The following DCLK3 variants were observed in gnomAD, a reference collection of about 807,000 sequenced individuals.
The protein encoded by DCLK3 is doublecortin like kinase 3, also known as serine/threonine-protein kinase DCLK3.
DCLK3 carries 30 observed loss-of-function variants against 46.4 expected under a neutral mutation model. The ratio of observed to expected loss-of-function variants is 0.65; its 90% CI spans 0.48 to 0.88. The LOEUF is 0.88. Ranked by LOEUF, DCLK3 falls within the 40% of genes least tolerant of loss-of-function variation. The probability of loss-of-function intolerance (pLI) is 0.00; values close to 1 mark genes in which losing one functional copy is unlikely to be tolerated. For synonymous variants in DCLK3, 401 were observed against 339.2 expected, an observed-to-expected ratio of 1.18 and a Z score of -2.00; for missense variants, 846 against 907.1, an observed-to-expected ratio of 0.93 and a Z score of 0.87.
chr3:36,753,309 T>A (rs1311525096), intron 1 of DCLK3, among the ~76,000 whole-genome samples: 1 of 152,184 alleles, frequency 6.6e-6, no homozygotes, highest in African/African-American at 2.4e-5. Context: ...ATCCAACATG[T>A]ATGTTTTTTC....
intron 2 of DCLK3, among the ~76,000 whole-genome samples, chr3:36,726,278 T>C (rs1001338496): frequency 2.6e-5 from 4 of 152,056 alleles, no homozygotes; most frequent in Non-Finnish European, 4.4e-5. Flanking sequence ...TAAGGCCCTG[T>C]TTCTCATGGT....
In DCLK3 at chr3:36,713,375, T is replaced by C. The variant is rs2125517297; in HGVS notation, c.*1953A>G. On this transcript the variant is annotated 3_prime_UTR_variant, in exon 5 of 5. Coordinates refer to ENST00000636136, the MANE Select transcript of DCLK3 (RefSeq NM_001394672.2). ...AATTTGAGGATTGAAAATTCTCTTTTGGATTTAGTGAAATGAAGGTTACTG... is the reference window on the plus strand; with the variant it reads ...AATTTGAGGATTGAAAATTCTCTTTCGGATTTAGTGAAATGAAGGTTACTG... 4 of 152,330 alleles carry C rather than the reference T, an allele frequency of 2.6e-5. No homozygotes were observed. In the South Asian group the frequency reaches 8.3e-4, roughly 32 times the overall value. 9.4% of individuals were successfully genotyped at this position (152,330 alleles called of 1,614,324 possible).
intron 1 of DCLK3, among the ~76,000 whole-genome samples, chr3:36,757,285 A>C (rs1388822056): frequency 6.6e-6 from 1 of 152,094 alleles, no homozygotes; most frequent in East Asian, 1.9e-4. Flanking sequence ...TTACCTAGAG[A>C]TCATTTAACC....
Position 36,718,173 on chromosome 3 carries a change from A to G in DCLK3, c.2097T>C (p.Tyr699=). ...CAGCCCACATGTCCACCTCCAGTCC[A>G]TAACCTGCGCAGACAGAGGCAGAGA... The part of the protein sequence containing the change: ...VAPEILSEKG[Y]GLEVDMWAAG... The change falls in exon 4 of 5, where the codon TAT becomes TAC. Residue 699 remains tyrosine (Y), a synonymous_variant. Transcript: ENST00000636136. 6.2e-7 allele frequency: 1 copy of G among 1,613,988 alleles called. No individual in the cohort carries two copies. The highest frequency in any genetic ancestry group is 8.5e-7 in the Non-Finnish European group (1 of 1,180,008).
At chr3:36,723,862 A>G (rs979086393) in intron 2 of DCLK3, among the ~76,000 whole-genome samples, 1 of 152,166 alleles carries the variant, frequency 6.6e-6, no homozygotes, top group Non-Finnish European at 1.5e-5. Flanking sequence ...GGATCCCCCA[A>G]ACAGAGTCCC....
chr3:36,735,555 C>T (rs1401444068), intron 2 of DCLK3, among the ~76,000 whole-genome samples: 1 of 152,198 alleles, frequency 6.6e-6, no homozygotes, highest in Admixed American at 6.5e-5. Flanking sequence ...CAGGCAAATG[C>T]AACTGGGATG....
At chr3:36,722,941 G>A (rs1417375326) in intron 2 of DCLK3, among the ~76,000 whole-genome samples, 2 of 152,218 alleles carry the variant, frequency 1.3e-5, no homozygotes, top group Non-Finnish European at 2.9e-5. Flanking sequence ...AGTGACTTTG[G>A]AACTTGGTAA....
chr3:36,747,262 T>C (rs1422452412), intron 1 of DCLK3, among the ~76,000 whole-genome samples: 1 of 152,006 alleles, frequency 6.6e-6, no homozygotes, highest in Non-Finnish European at 1.5e-5. Context: ...AAAAGACAGA[T>C]TGACAGGAGA....
intron 1 of DCLK3, among the ~76,000 whole-genome samples, chr3:36,752,900 A>G (rs1004404238): frequency 5.3e-5 from 8 of 152,210 alleles, no homozygotes; most frequent in African/African-American, 1.4e-4. Context: ...AGCCTACCAC[A>G]GTGGCATGTA....
intron 1 of DCLK3, among the ~76,000 whole-genome samples, chr3:36,740,095 G>A (rs1701328075): frequency 6.8e-6 from 1 of 147,546 alleles, no homozygotes; most frequent in Admixed American, 6.8e-5. Flanking sequence ...GACTGCTTGT[G>A]TGAACCTGGA....
intron 1 of DCLK3, among the ~76,000 whole-genome samples, chr3:36,750,656 T>A (rs1358838979): frequency 1.3e-5 from 2 of 152,210 alleles, no homozygotes; most frequent in Non-Finnish European, 2.9e-5. Flanking sequence ...TGGGCGCAGA[T>A]CTTTGCATTT....
At chr3:36,741,936 T>C (rs1575143968) in intron 1 of DCLK3, among the ~76,000 whole-genome samples, 1 of 152,092 alleles carries the variant, frequency 6.6e-6, no homozygotes, top group African/African-American at 2.4e-5. Flanking sequence ...GAATTATCCA[T>C]TACAGGGAAG....
At position 36,738,985 on chromosome 3, in the gene DCLK3, A is replaced by G. The variant is rs1393773967; in HGVS notation, c.182T>C (p.Leu61Pro). Reference protein sequence around the residue: ...GSWLPASRGNLEKPFLGPRGP... With the variant: ...GSWLPASRGNPEKPFLGPRGP... Reference sequence around the variant, plus strand: ...ACGCGGCCCCAGGAATGGTTTCTCCAGATTCCCTCGGCTGGCAGGCAGCCA... The same window carrying G: ...ACGCGGCCCCAGGAATGGTTTCTCCGGATTCCCTCGGCTGGCAGGCAGCCA... The change falls in exon 2 of 5, where the codon CTG (leucine) becomes CCG (proline). Residue 61 changes from leucine (L) to proline (P), a missense_variant. Transcript: ENST00000636136. 7.5e-6 allele frequency: 3 copies of G among 399,186 alleles called. No homozygotes were observed. Among genetic ancestry groups the G allele is most frequent in the African/African-American group, 6.2e-5 (3 of 48,648 alleles). 24.7% of individuals were successfully genotyped at this position (399,186 alleles called of 1,614,324 possible). A position where few individuals can be genotyped will look rare whatever the true frequency, so the allele number is the denominator to read the frequency against.
At chr3:36,733,685 T>A (rs1283498676) in intron 2 of DCLK3, among the ~76,000 whole-genome samples, 1 of 152,222 alleles carries the variant, frequency 6.6e-6, no homozygotes, top group Non-Finnish European at 1.5e-5. Context: ...GAAATTCTTA[T>A]AATTAAAACT....
chr3:36,746,232 A>C (rs1701392303), intron 1 of DCLK3, among the ~76,000 whole-genome samples: 1 of 152,156 alleles, frequency 6.6e-6, no homozygotes, highest in African/African-American at 2.4e-5. Flanking sequence ...ACTGGCTCAG[A>C]ACTCTGTATG....
intron 3 of DCLK3, among the ~76,000 whole-genome samples, chr3:36,720,223 C>T (rs1390358118): frequency 1.3e-5 from 2 of 152,180 alleles, no homozygotes; most frequent in Admixed American, 1.3e-4. Flanking sequence ...CCCAGTCCCA[C>T]CATGTAACAT....
intron 2 of DCLK3, among the ~76,000 whole-genome samples, chr3:36,726,399 G>GCCA (rs1277067697): frequency 6.6e-6 from 1 of 151,866 alleles, no homozygotes; most frequent in African/African-American, 2.4e-5. Context: ...ACTCATTAGT[G>GCCA]CCACCACAGC....
intron 2 of DCLK3, among the ~76,000 whole-genome samples, chr3:36,730,382 C>G (rs1575138774): frequency 6.6e-6 from 1 of 152,160 alleles, no homozygotes; most frequent in Non-Finnish European, 1.5e-5. Context: ...TAATTAAAAT[C>G]TCATGTTCAT....
At position 36,737,581 on chromosome 3, in the gene DCLK3, C is replaced by T. The variant is rs34416671; in HGVS notation, c.1586G>A (p.Arg529Gln). Residue 529 changes from arginine (R) to glutamine (Q), a missense_variant, in exon 2 of 5, where the codon CGG (arginine) becomes CAG (glutamine). Transcript: ENST00000636136. The surrounding 1 kb of genome is among the most constrained non-coding windows in gnomAD (Gnocchi z 4.4). Reference protein sequence around the residue: ...ANVEKHYETGRVIGDGNFAVV... With the variant: ...ANVEKHYETGQVIGDGNFAVV... ...AGCAAAGTTCCCATCCCCAATGACC[C>T]GGCCAGTCTCATAATGCTTTTCCAC... is the stretch of plus-strand genomic sequence containing the variant. 2 of 1,614,124 alleles carry T rather than the reference C, an allele frequency of 1.2e-6. No homozygotes were observed. The highest frequency in any genetic ancestry group is 3.3e-5 in the Admixed American group (2 of 60,022).
Sources: gnomAD v4.1 joint callset for allele counts (sites outside exome capture counted in the v4.1 genomes callset) on GRCh38, gnomAD v4.1.1 for gene constraint, Gnocchi (gnomAD v3.1) non-coding constraint, MANE v1.5 for transcripts, NCBI Gene and HGNC (gene_info 2026-07-23, HGNC 2026-07-21) for gene names.